The following CACNA1B variants were observed in gnomAD, a reference collection of about 807,000 sequenced individuals.
The protein encoded by CACNA1B is calcium voltage-gated channel subunit alpha1 B.
A neutral mutation model predicts 247.2 loss-of-function variants in CACNA1B; 70 were observed. That is an observed-to-expected ratio of 0.28 (90% CI 0.23 to 0.35). The LOEUF (loss-of-function observed/expected upper bound fraction) is 0.35, where lower values mean the gene tolerates loss of function less well. Ranked by LOEUF, CACNA1B falls within the 10% of genes least tolerant of loss-of-function variation. The probability of loss-of-function intolerance (pLI) is 1.00; values close to 1 mark genes in which losing one functional copy is unlikely to be tolerated. For missense variants in CACNA1B, 2,367 were observed against 3,197.4 expected (o/e 0.74, Z 6.26); for synonymous variants, 1,231 against 1,294.4 (o/e 0.95, Z 1.05).
At chr9:138,074,635 G>A (rs1960251843) in intron 34 of CACNA1B, among the ~76,000 whole-genome samples, 1 of 152,250 alleles carries the variant, frequency 6.6e-6, no homozygotes, top group African/African-American at 2.4e-5. Context: ...CCTGGTGTGG[G>A]GCAGCTCTGG....
intron 35 of CACNA1B, among the ~76,000 whole-genome samples, chr9:138,077,383 C>T (rs1429073732): frequency 6.6e-6 from 1 of 152,122 alleles, no homozygotes; most frequent in Non-Finnish European, 1.5e-5. Flanking sequence ...CCAGCAGAGG[C>T]CAGGGTGCTT....
chr9:138,059,223 A>G lies in CACNA1B; in HGVS notation c.4584+34A>G. ...TTTGGTCCCTGCTTTGCCTTTTGAC[A>G]ACCTATATTCTGGTTCCCCATCTGT... is the stretch of plus-strand genomic sequence containing the variant. On this transcript the variant is annotated intron_variant, in intron 30 of 46. Transcript: ENST00000371372. This position sits in a 1 kb window ranked among gnomAD's most constrained non-coding sequence, Gnocchi z 4.2. 7.5e-7 allele frequency: 1 copy of G among 1,329,600 alleles called. No individual in the cohort carries two copies. Among genetic ancestry groups the G allele is most frequent in the South Asian group, 1.2e-5 (1 of 83,618 alleles). The allele number at this position is 1,329,600 out of a possible 1,614,324, so 82.4% of individuals were successfully genotyped here. A position where few individuals can be genotyped will look rare whatever the true frequency, so the allele number is the denominator to read the frequency against.
intron 3 of CACNA1B, among the ~76,000 whole-genome samples, chr9:137,904,878 T>C (rs1022693237): frequency 6.6e-6 from 1 of 152,218 alleles, no homozygotes; most frequent in Non-Finnish European, 1.5e-5. Flanking sequence ...CAACATTAAA[T>C]GAGAATTATG....
rs570865659 is a variant in CACNA1B at position 138,068,811 on chromosome 9, C to T, written c.4669-947C>T. 1.4e-4 allele frequency among the ~76,000 whole-genome samples: 21 copies of T among 152,252 alleles called. No homozygotes were observed. The South Asian group carries it at 3.7e-3, about 27-fold the overall frequency. ...TGTGCAGAGAGCCCCAGTGCCCAGC[C>T]GGGCTCTAGGGAAACCTCCCCACAC... On this transcript the variant is annotated intron_variant, in intron 31 of 46. Coordinates refer to ENST00000371372, the MANE Select transcript of CACNA1B (RefSeq NM_000718.4).
At position 138,047,470 on chromosome 9, in the gene CACNA1B, G is replaced by A. The variant is rs1223650793; in HGVS notation, c.3603+12G>A. 1.9e-6 allele frequency: 3 copies of A among 1,599,460 alleles called. No individual in the cohort carries two copies. The African/African-American group carries it at 4.0e-5, about 21-fold the overall frequency. ...AGATGGTGATAAAGGTGAGATATGT[G>A]GCTGCCCTTGTGACCCCAGTGTTTT... On this transcript the variant is annotated intron_variant, in intron 23 of 46. Transcript: ENST00000371372.
At chr9:138,031,146 G>T (rs1273778292) in intron 20 of CACNA1B, among the ~76,000 whole-genome samples, 2 of 151,962 alleles carry the variant, frequency 1.3e-5, no homozygotes, top group Non-Finnish European at 2.9e-5. Flanking sequence ...TTGTTGATTT[G>T]AGTCTTTCCT....
In CACNA1B at chr9:138,102,005, C is replaced by T. The variant is rs1961268318; in HGVS notation, c.5223-706C>T. Among the ~76,000 whole-genome samples, 1 of 152,218 alleles carries T rather than the reference C, an allele frequency of 6.6e-6. No individual in the cohort carries two copies. On this transcript the variant is annotated intron_variant, in intron 37 of 46. Coordinates refer to ENST00000371372, the MANE Select transcript of CACNA1B (RefSeq NM_000718.4). The surrounding 1 kb of genome is among the most constrained non-coding windows in gnomAD (Gnocchi z 5.4). Reference sequence around the variant, plus strand: ...GTGCAAGGTGGCCCCAGGCCATGTCCTGCCAGCTCCTCCCCCCTCCCGCAG... The same window carrying T: ...GTGCAAGGTGGCCCCAGGCCATGTCTTGCCAGCTCCTCCCCCCTCCCGCAG...
rs1250043385 is a variant in CACNA1B, at chr9:137,954,426, A to T, written c.1071-1272A>T. Among the ~76,000 whole-genome samples, 8 of 152,294 alleles carry T rather than the reference A, an allele frequency of 5.3e-5. No homozygotes were observed. The East Asian group carries it at 1.5e-3, about 29-fold the overall frequency. ...TCCTGCCTCTTCTCACCCAGCGAGG[A>T]CAGAAGCTCAGGGAGGGCTGGCCCT... On this transcript the variant is annotated intron_variant, in intron 7 of 46. Transcript: ENST00000371372. This position sits in a 1 kb window ranked among gnomAD's most constrained non-coding sequence, Gnocchi z 4.1.
intron 39 of CACNA1B, among the ~76,000 whole-genome samples, chr9:138,111,709 C>T (rs530893215): frequency 6.6e-6 from 1 of 152,330 alleles, no homozygotes; most frequent in Admixed American, 6.5e-5. Flanking sequence ...AAACCCTCCA[C>T]TGCCTTCCCT....
At chr9:137,932,918 T>C (rs1018305704) in intron 6 of CACNA1B, among the ~76,000 whole-genome samples, 3 of 119,064 alleles carry the variant, frequency 2.5e-5, no homozygotes, top group African/African-American at 1.7e-4. Context: ...TCTTTACTTT[T>C]ATTTATTTAT....
In CACNA1B at chr9:138,090,701, C is replaced by CAAAAAAA. The variant is rs1173964720; in HGVS notation, c.5095-5756_5095-5750dup. ...TACAAGGTGAAACTCAACCCATCAG[C>CAAAAAAA]AAAAAAAAAAAAAAAAAAAAAAAAA... On this transcript the variant is annotated intron_variant, in intron 36 of 46. Transcript: ENST00000371372. Among the ~76,000 whole-genome samples, 97 of 16,580 alleles carry CAAAAAAA rather than the reference C, an allele frequency of 5.9e-3. 4 individuals are homozygous for CAAAAAAA. The highest frequency in any genetic ancestry group is 0.011 in the South Asian group (2 of 174). 10.9% of individuals were successfully genotyped at this position (16,580 alleles called of 152,430 possible).
In CACNA1B at chr9:138,120,265, C is replaced by T; in HGVS notation, c.6131C>T (p.Pro2044Leu). The stretch of plus-strand genomic sequence containing the variant: ...AGCACCACCCCGGACCGCCCACCCC[C>T]TAGCCAGGCGTCGTCGCACCACCAC... ...LCSTTPDRPPPSQASSHHHHH... is the reference protein window; with the variant it reads ...LCSTTPDRPPLSQASSHHHHH... Residue 2044 changes from proline to leucine, a missense_variant, in exon 45 of 47, where the codon CCT (proline) becomes CTT (leucine). Pro to Leu is a moderately conservative substitution (Grantham distance 98, BLOSUM62 -3). Coordinates refer to ENST00000371372, the MANE Select transcript of CACNA1B (RefSeq NM_000718.4). 2 of 1,597,508 alleles carry T rather than the reference C, an allele frequency of 1.3e-6. No individual in the cohort carries two copies. Among genetic ancestry groups the T allele is most frequent in the South Asian group, 1.1e-5 (1 of 88,534 alleles).
At chr9:138,006,367 C>T (rs891196541) in intron 15 of CACNA1B, among the ~76,000 whole-genome samples, 10 of 152,174 alleles carry the variant, frequency 6.6e-5, no homozygotes, top group Non-Finnish European at 1.5e-4. Flanking sequence ...GCTGGGTGGC[C>T]GTGTGCAGCC....
Position 137,962,635 on chromosome 9 carries a change from A to G in CACNA1B, c.1333+4948A>G, listed in dbSNP as rs531576100. Among the ~76,000 whole-genome samples, 91 of 152,124 alleles carry G rather than the reference A, an allele frequency of 6.0e-4. 2 individuals carry two copies. Among genetic ancestry groups the G allele is most frequent in the African/African-American group, 2.1e-3 (88 of 41,520 alleles). On this transcript the variant is annotated intron_variant, in intron 10 of 46. Transcript: ENST00000371372. Reference sequence around the variant, plus strand: ...ACTTTTTGATTTCTGCATTAATTTCATTATTTACCCAAAATTCATTCAGGA... The same window carrying G: ...ACTTTTTGATTTCTGCATTAATTTCGTTATTTACCCAAAATTCATTCAGGA...
chr9:137,949,190 T>C (rs1326029012), intron 6 of CACNA1B, among the ~76,000 whole-genome samples: 2 of 9,996 alleles, frequency 2.0e-4, no homozygotes, highest in Non-Finnish European at 4.7e-4. Context: ...TGTGTGTGTA[T>C]GGTGTATGTG....
intron 3 of CACNA1B, among the ~76,000 whole-genome samples, chr9:137,912,000 A>T (rs1957364756): frequency 1.3e-5 from 2 of 152,260 alleles, no homozygotes; most frequent in South Asian, 4.1e-4. Context: ...AAAGTTTCTT[A>T]GTCACTGTGA....
At chr9:138,086,071 G>A (rs1960684271) in intron 36 of CACNA1B, among the ~76,000 whole-genome samples, 1 of 150,876 alleles carries the variant, frequency 6.6e-6, no homozygotes, top group Admixed American at 6.6e-5. Context: ...AAGAAAGGAA[G>A]AAAAGATATA....
At chr9:138,078,820 G>A (rs1375929106) in intron 36 of CACNA1B, among the ~76,000 whole-genome samples, 1 of 152,208 alleles carries the variant, frequency 6.6e-6, no homozygotes, top group Non-Finnish European at 1.5e-5. Flanking sequence ...GGATTAGGCT[G>A]CATTTTAAAA....
intron 36 of CACNA1B, among the ~76,000 whole-genome samples, chr9:138,079,903 T>C (rs1960468120): frequency 6.7e-6 from 1 of 149,608 alleles, no homozygotes; most frequent in African/African-American, 2.5e-5. Context: ...TGTTGTTTAT[T>C]GGATGTGGAA....
Sources: allele counts gnomAD v4.1 joint callset (sites outside exome capture counted in the v4.1 genomes callset), GRCh38; gene constraint gnomAD v4.1.1; non-coding constraint Gnocchi (gnomAD v3.1); transcripts MANE v1.5; gene names NCBI Gene and HGNC (gene_info 2026-07-23, HGNC 2026-07-21).